Variants in PXDN observed in about 807,000 individuals in gnomAD.
PXDN encodes the protein peroxidasin homolog.
Under a neutral mutation model 140.3 loss-of-function variants are expected in PXDN, and 77 were observed. The ratio of observed to expected loss-of-function variants is 0.55; its 90% CI spans 0.46 to 0.66. PXDN has a LOEUF of 0.66. Ranked by LOEUF, PXDN falls within the 30% of genes least tolerant of loss-of-function variation. The pLI is 0.00. For missense variants in PXDN, 1,838 were observed against 2,039.5 expected, an observed-to-expected ratio of 0.90 and a Z score of 1.90; for synonymous variants, 911 against 857.4, an observed-to-expected ratio of 1.06 and a Z score of -1.09.
chr2:1,678,499 A>G (rs1558504582), intron 7 of PXDN, among the ~76,000 whole-genome samples: 1 of 152,228 alleles, frequency 6.6e-6, no homozygotes, highest in Non-Finnish European at 1.5e-5. Flanking sequence ...TGACAGCCAA[A>G]TTGGAGTAAG....
chr2:1,710,941 G>C (rs1408196851), intron 1 of PXDN, among the ~76,000 whole-genome samples: 15 of 60,568 alleles, frequency 2.5e-4, no homozygotes, highest in East Asian at 1.7e-3. Context: ...CCCACTCTAT[G>C]AACACCCGCT....
intron 1 of PXDN, among the ~76,000 whole-genome samples, chr2:1,697,475 T>C (rs777183700): frequency 2.6e-5 from 4 of 152,230 alleles, no homozygotes; most frequent in Non-Finnish European, 4.4e-5. Flanking sequence ...AAAATAAGCT[T>C]TGCACATGTC....
In PXDN at chr2:1,649,645, T is replaced by C. The variant is rs766609751; in HGVS notation, c.2135A>G (p.Gln712Arg). ...CAGGTTTGCGATGAGGTTCAGGTAC[T>C]GTGGAGACACCAGGTCGTTGTAGTG... ...SYHYNDLVSP[Q>R]YLNLIANLSG... The change falls in exon 17 of 23, where the codon CAG (glutamine) becomes CGG (arginine). Residue 712 changes from glutamine (Q) to arginine (R), a missense_variant. Gln to Arg is a conservative substitution (Grantham distance 43). This residue lies in a region of PXDN where 537 missense variants were observed against 583.9 expected (regional missense o/e 0.92). Coordinates refer to ENST00000252804, the MANE Select transcript of PXDN (RefSeq NM_012293.3). The surrounding 1 kb of genome is among the most constrained non-coding windows in gnomAD (Gnocchi z 7.1). The C allele has an allele frequency of 1.2e-6, 2 of 1,613,966 alleles. No homozygotes were observed. Among genetic ancestry groups the C allele is most frequent in the East Asian group, 4.5e-5 (2 of 44,866 alleles).
At chr2:1,683,345 G>A (rs1056767806) in intron 6 of PXDN, among the ~76,000 whole-genome samples, 13 of 152,250 alleles carry the variant, frequency 8.5e-5, no homozygotes, top group African/African-American at 2.9e-4. Context: ...GAGCCCGGGA[G>A]GTTGAGGCTG....
At chr2:1,710,870 ACT>A (rs762815701) in intron 1 of PXDN, among the ~76,000 whole-genome samples, 1 of 35,360 alleles carries the variant, frequency 2.8e-5, no homozygotes, top group Non-Finnish European at 5.2e-5. Flanking sequence ...ACCAGCACCC[ACT>A]CTCCACCAGC....
At position 1,660,580 on chromosome 2, in the gene PXDN, C is replaced by T. The variant is rs750516588; in HGVS notation, c.1837+301G>A. On this transcript the variant is annotated intron_variant, in intron 14 of 22. Transcript: ENST00000252804. This position sits in a 1 kb window ranked among gnomAD's most constrained non-coding sequence, Gnocchi z 4.6. Reference sequence around the variant, plus strand: ...ATTTCTGGACAGATGTGGATGACCCCGGAGCAAAGCTCTGCCCAGTGGATG... The same window carrying T: ...ATTTCTGGACAGATGTGGATGACCCTGGAGCAAAGCTCTGCCCAGTGGATG... Among the ~76,000 whole-genome samples, 14 of 152,176 alleles carry T rather than the reference C, an allele frequency of 9.2e-5. No individual in the cohort carries two copies. The highest frequency in any genetic ancestry group is 3.9e-4 in the Admixed American group (6 of 15,282).
At chr2:1,653,820 A>G in intron 15 of PXDN, 35 bp from the exon 16 acceptor site, 1 of 1,514,616 alleles carries the variant, frequency 6.6e-7, no homozygotes, top group Non-Finnish European at 8.9e-7. Flanking sequence ...AGGAAGAATG[A>G]AACAAATTAC....
chr2:1,683,926 A>C (rs1312574248), intron 5 of PXDN, among the ~76,000 whole-genome samples, 154 bp downstream of exon 5: 1 of 152,228 alleles, frequency 6.6e-6, no homozygotes, highest in African/African-American at 2.4e-5. Flanking sequence ...AGAGAAAATT[A>C]TAAGTCCTAT....
chr2:1,670,472 G>A (rs773238735), intron 9 of PXDN, among the ~76,000 whole-genome samples: 11 of 152,246 alleles, frequency 7.2e-5, no homozygotes, highest in South Asian at 2.1e-4. Context: ...GGAGTTGAGC[G>A]GATGACGAAA....
chr2:1,694,527 C>T (rs1684255959), intron 1 of PXDN, among the ~76,000 whole-genome samples: 1 of 152,226 alleles, frequency 6.6e-6, no homozygotes, highest in Non-Finnish European at 1.5e-5. Context: ...GCCCACCTGG[C>T]CCTCCTGGCC....
intron 1 of PXDN, among the ~76,000 whole-genome samples, chr2:1,733,559 T>C (rs1193405971): frequency 1.3e-5 from 2 of 151,990 alleles, no homozygotes; most frequent in Non-Finnish European, 2.9e-5. Flanking sequence ...ATGGCCAACA[T>C]GGTGAAATCC....
In PXDN at chr2:1,742,809, C is replaced by T. The variant is rs574360235; in HGVS notation, c.200+1447G>A. 2.3e-4 allele frequency among the ~76,000 whole-genome samples: 35 copies of T among 152,320 alleles called. No homozygotes were observed. The East Asian group carries it at 6.4e-3, about 28-fold the overall frequency. ...GTCTCTCTGCGGAGGAGGAGAGGAA[C>T]TCGGGCCCCCGCCCCGCCCCAGGGC... On this transcript the variant is annotated intron_variant, in intron 1 of 22. Coordinates refer to ENST00000252804, the MANE Select transcript of PXDN (RefSeq NM_012293.3).
At chr2:1,669,558 G>A (rs1683527668) in intron 9 of PXDN, among the ~76,000 whole-genome samples, 1 of 152,126 alleles carries the variant, frequency 6.6e-6, no homozygotes, top group African/African-American at 2.4e-5. Context: ...ATTTTTGTTT[G>A]GGTCAGACGT....
At chr2:1,713,034 T>G (rs1010592593) in intron 1 of PXDN, among the ~76,000 whole-genome samples, 7 of 152,024 alleles carry the variant, frequency 4.6e-5, no homozygotes, top group Admixed American at 6.6e-5. Context: ...CGTTTTGGAG[T>G]ATGTTGTATA....
chr2:1,648,691 G>T lies in PXDN; in HGVS notation c.3089C>A (p.Thr1030Asn). The change falls in exon 17 of 23, where the codon ACC (threonine) becomes AAC (asparagine). Residue 1030 changes from threonine to asparagine, a missense_variant. Thr to Asn is a moderately conservative substitution (Grantham distance 65). Transcript: ENST00000252804. The surrounding 1 kb of genome is among the most constrained non-coding windows in gnomAD (Gnocchi z 8.9). ...GATCTTCGGGAGCCAGTGCTGGTAGGTGATGTGCTGGATCTCCGCACCCAC... is the reference window on the plus strand; with the variant it reads ...GATCTTCGGGAGCCAGTGCTGGTAGTTGATGTGCTGGATCTCCGCACCCAC... ...KIVGAEIQHI[T>N]YQHWLPKILG... The T allele has an allele frequency of 6.2e-7, 1 of 1,607,530 alleles. No individual in the cohort carries two copies.
At chr2:1,644,552 T>C in intron 18 of PXDN, 66 bp downstream of exon 18, 2 of 1,465,446 alleles carry the variant, frequency 1.4e-6, no homozygotes, top group East Asian at 2.5e-5. Flanking sequence ...AGGACAGCTC[T>C]TCTCCTCTGG....
rs1464729683 is a variant in PXDN, at chr2:1,691,967, G to T, written c.305C>A (p.Pro102His). 3 of 1,529,162 alleles carry T rather than the reference G, an allele frequency of 2.0e-6. No homozygotes were observed. The highest frequency in any genetic ancestry group is 1.7e-4 in the Middle Eastern group (1 of 5,930). The allele number at this position is 1,529,162 out of a possible 1,614,324, so 94.7% of individuals were successfully genotyped here. ...LLNNNQIKRI[P>H]SGAFEDLENL... Reference sequence around the variant, plus strand: ...TTCCAAGTCTTCAAATGCTCCACTAGGTATCCTCTTGATCTGATTATTATT... The same window carrying T: ...TTCCAAGTCTTCAAATGCTCCACTATGTATCCTCTTGATCTGATTATTATT... The change falls in exon 3 of 23, where the codon CCT (proline) becomes CAT (histidine). Residue 102 changes from proline to histidine, a missense_variant. By Grantham distance (77) the Pro-to-His change is moderately conservative. Transcript: ENST00000252804.
At position 1,648,935 on chromosome 2, in the gene PXDN, G is replaced by A. The variant is rs1190471096; in HGVS notation, c.2845C>T (p.Leu949Phe). ...GTGGGCGGCCCGGTGGCGAAGGGGA[G>A]CAGCGGCTTCCCGGACCGCTGCACG... Reference protein sequence around the residue: ...GIVQRSGKPLLPFATGPPTEC... With the variant: ...GIVQRSGKPLFPFATGPPTEC... Residue 949 changes from leucine (L) to phenylalanine (F), a missense_variant, in exon 17 of 23, where the codon CTC becomes TTC. Transcript: ENST00000252804. This position sits in a 1 kb window ranked among gnomAD's most constrained non-coding sequence, Gnocchi z 8.9. The A allele has an allele frequency of 3.1e-6, 5 of 1,603,698 alleles. No individual in the cohort carries two copies. The highest frequency in any genetic ancestry group is 4.3e-6 in the Non-Finnish European group (5 of 1,175,530).
At chr2:1,658,027 GCTCTCTCTCTCT>G (rs1156959508) in intron 14 of PXDN, among the ~76,000 whole-genome samples, 23 of 4,906 alleles carry the variant, frequency 4.7e-3, no homozygotes, top group South Asian at 0.013. Flanking sequence ...TCAGCTGTGG[GCTCTCTCTCTCT>G]CTCTCTCTCT....
Sources: gnomAD v4.1 joint callset for allele counts (sites outside exome capture counted in the v4.1 genomes callset) on GRCh38, gnomAD v4.1.1 for gene constraint, gnomAD v4.1.1 regional missense constraint, Gnocchi (gnomAD v3.1) non-coding constraint, MANE v1.5 for transcripts, NCBI Gene and HGNC (gene_info 2026-07-23, HGNC 2026-07-21) for gene names.